The following TENM2 variants were observed in gnomAD, a reference collection of about 807,000 sequenced individuals.
TENM2 encodes the protein teneurin transmembrane protein 2.
Under a neutral mutation model 245.2 loss-of-function variants are expected in TENM2, and 52 were observed. The ratio of observed to expected loss-of-function variants is 0.21; its 90% CI spans 0.17 to 0.27. The LOEUF (loss-of-function observed/expected upper bound fraction) is 0.27, where lower values mean the gene tolerates loss of function less well. Ranked by LOEUF, TENM2 falls within the 10% of genes least tolerant of loss-of-function variation. The probability of loss-of-function intolerance (pLI) is 1.00; values close to 1 mark genes in which losing one functional copy is unlikely to be tolerated. For missense variants in TENM2, 3,046 were observed against 3,666.8 expected, an observed-to-expected ratio of 0.83 and a Z score of 4.37; for synonymous variants, 1,363 against 1,438.9, an observed-to-expected ratio of 0.95 and a Z score of 1.19.
intron 2 of TENM2, among the ~76,000 whole-genome samples, chr5:167,801,076 C>A (rs1765675979): frequency 8.6e-6 from 1 of 115,728 alleles, no homozygotes; most frequent in African/African-American, 3.4e-5. Context: ...TTTCCCTATA[C>A]TTTGAATGTA....
chr5:166,984,572 T>A, the TENM2 span, among the ~76,000 whole-genome samples: 1 of 152,136 alleles, frequency 6.6e-6, no homozygotes, highest in Admixed American at 6.5e-5. Flanking sequence ...TTGTATAAGC[T>A]GCTTGCTATA....
chr5:167,785,363 C>T (rs1346499338), intron 2 of TENM2, among the ~76,000 whole-genome samples: 5 of 152,286 alleles, frequency 3.3e-5, no homozygotes, highest in Non-Finnish European at 7.4e-5. Context: ...TTCTTTCTTC[C>T]CTTTTTTTTC....
intron 8 of TENM2, among the ~76,000 whole-genome samples, chr5:168,097,404 T>G (rs982686204): frequency 6.6e-6 from 1 of 152,086 alleles, no homozygotes; most frequent in African/African-American, 2.4e-5. Flanking sequence ...GATAGTTTAT[T>G]TTTTCTATTG....
intron 13 of TENM2, among the ~76,000 whole-genome samples, chr5:168,167,743 T>A (rs1581516585): frequency 6.6e-6 from 1 of 152,316 alleles, no homozygotes; most frequent in East Asian, 1.9e-4. Context: ...GATTGAGGGC[T>A]TGGGCTTCAG....
At chr5:167,411,109 A>T (rs76853809) in intron 2 of TENM2, among the ~76,000 whole-genome samples, 1,792 of 152,228 alleles carry the variant, frequency 0.012, 99 homozygotes, top group Admixed American at 0.1. Context: ...ATGGAGATGC[A>T]TTCTAAATCG....
chr5:167,288,451 C>T (rs977269136), intron 1 of TENM2, among the ~76,000 whole-genome samples: 5 of 151,446 alleles, frequency 3.3e-5, no homozygotes, highest in Admixed American at 6.6e-5. Context: ...CCCAGCTACT[C>T]AGCAGGCTGA....
intron 12 of TENM2, among the ~76,000 whole-genome samples, chr5:168,137,241 A>G (rs1177458836): frequency 6.6e-6 from 1 of 152,252 alleles, no homozygotes; most frequent in Non-Finnish European, 1.5e-5. Context: ...TGGTCAAATT[A>G]GCAATGAAGT....
intron 2 of TENM2, among the ~76,000 whole-genome samples, chr5:167,863,531 C>G (rs1772026701): frequency 6.6e-6 from 1 of 151,986 alleles, no homozygotes; most frequent in Non-Finnish European, 1.5e-5. Flanking sequence ...GTAATCCCAG[C>G]TAATTGGGAG....
At chr5:167,710,390 A>G (rs976388288) in intron 2 of TENM2, among the ~76,000 whole-genome samples, 1 of 152,208 alleles carries the variant, frequency 6.6e-6, no homozygotes. Flanking sequence ...ACATTCTTAT[A>G]TCTGCTGGGC....
the TENM2 span, among the ~76,000 whole-genome samples, chr5:167,015,191 A>C: frequency 6.6e-6 from 1 of 152,188 alleles, no homozygotes; most frequent in Non-Finnish European, 1.5e-5. Flanking sequence ...TATTTTTTGA[A>C]AATCTGAATA....
chr5:168,154,147 TAAAA>T (rs70976465), intron 12 of TENM2, among the ~76,000 whole-genome samples: 118 of 85,082 alleles, frequency 1.4e-3, no homozygotes, highest in Middle Eastern at 5.3e-3. Flanking sequence ...TCACCTACTT[TAAAA>T]AAAAAAAAAA....
intron 3 of TENM2, among the ~76,000 whole-genome samples, chr5:167,945,739 G>A (rs1190295303): frequency 6.6e-6 from 1 of 152,214 alleles, no homozygotes; most frequent in Non-Finnish European, 1.5e-5. Flanking sequence ...AAGAAAGAGA[G>A]CTATAAATCA....
chr5:167,703,853 G>T (rs544077832), intron 2 of TENM2, among the ~76,000 whole-genome samples: 8 of 152,202 alleles, frequency 5.3e-5, no homozygotes, highest in East Asian at 1.9e-4. Flanking sequence ...GCAAGGATTT[G>T]TTCCTCAAAT....
intron 25 of TENM2, among the ~76,000 whole-genome samples, chr5:168,228,663 A>AAGAC (rs1248911152): frequency 6.6e-6 from 1 of 152,186 alleles, no homozygotes; most frequent in African/African-American, 2.4e-5. Context: ...GTTAAGTGAA[A>AAGAC]AGACAGAGGT....
At chr5:168,168,843 T>C (rs1758543349) in intron 13 of TENM2, among the ~76,000 whole-genome samples, 2 of 152,188 alleles carry the variant, frequency 1.3e-5, no homozygotes, top group African/African-American at 4.8e-5. Context: ...GGGTATGAAT[T>C]CGTCTATCCA....
the TENM2 span, among the ~76,000 whole-genome samples, chr5:167,258,215 G>GTGTATATATATATACGTA: frequency 1.6e-5 from 2 of 122,890 alleles, no homozygotes; most frequent in Non-Finnish European, 3.4e-5. Context: ...ATATATATAT[G>GTGTATATATATATACGTA]TATATATATA....
At chr5:167,335,607 C>CT (rs563268080) in intron 1 of TENM2, among the ~76,000 whole-genome samples, 1,474 of 146,976 alleles carry the variant, frequency 0.01, 10 homozygotes, top group Non-Finnish European at 0.013. Flanking sequence ...TGAGACTCAT[C>CT]TTTTTTTTTT....
chr5:167,637,242 A>C (rs279389), intron 2 of TENM2, among the ~76,000 whole-genome samples: 24,838 of 152,132 alleles, frequency 0.16, 3,216 homozygotes, highest in East Asian at 0.46. Flanking sequence ...CTAGTATTAA[A>C]AAGAGAATTA....
chr5:167,706,017 T>TTATATTA (rs1271066818), intron 2 of TENM2, among the ~76,000 whole-genome samples: 1 of 144,778 alleles, frequency 6.9e-6, no homozygotes, highest in Non-Finnish European at 1.5e-5. Context: ...ATTTACTTAT[T>TTATATTA]TATATTATAT....
Sources: gnomAD v4.1 joint callset for allele counts (sites outside exome capture counted in the v4.1 genomes callset) on GRCh38, gnomAD v4.1.1 for gene constraint, MANE v1.5 for transcripts, NCBI Gene and HGNC (gene_info 2026-07-23, HGNC 2026-07-21) for gene names.